Variants in IMPG2 observed in about 807,000 individuals in gnomAD.
IMPG2 encodes the protein interphotoreceptor matrix proteoglycan 2.
Under a neutral mutation model 129.2 loss-of-function variants are expected in IMPG2, and 91 were observed. That is an observed-to-expected ratio of 0.70 (90% CI 0.59 to 0.84). IMPG2 has a LOEUF of 0.84. IMPG2 is among the 40% of genes least tolerant of loss of function. The probability of loss-of-function intolerance (pLI) is 0.00; values close to 1 mark genes in which losing one functional copy is unlikely to be tolerated. For missense variants in IMPG2, 1,430 were observed against 1,461.7 expected, an observed-to-expected ratio of 0.98 and a Z score of 0.35; for synonymous variants, 510 against 517.7, an observed-to-expected ratio of 0.99 and a Z score of 0.20.
chr3:101,250,448 T>C (rs1401917342), intron 11 of IMPG2, among the ~76,000 whole-genome samples: 1 of 152,090 alleles, frequency 6.6e-6, no homozygotes, highest in East Asian at 1.9e-4. Context: ...TATGTGAACA[T>C]AACAAAATTA....
At chr3:101,257,865 A>G in intron 9 of IMPG2, 92 bp from the exon 10 acceptor site, 1 of 1,418,660 alleles carries the variant, frequency 7.0e-7, no homozygotes, top group Non-Finnish European at 9.9e-7. Flanking sequence ...TTGGACCTAG[A>G]GGGGGAGTCT....
At chr3:101,230,490 A>G (rs1378105312) in intron 16 of IMPG2, among the ~76,000 whole-genome samples, 1 of 152,202 alleles carries the variant, frequency 6.6e-6, no homozygotes, top group Non-Finnish European at 1.5e-5. Flanking sequence ...CACCTCTTCT[A>G]TCTCATCTCC....
rs579961 is a variant in IMPG2, at chr3:101,303,536, C to T, written c.501+610G>A. On this transcript the variant is annotated intron_variant, in intron 3 of 18. Coordinates refer to ENST00000193391, the MANE Select transcript of IMPG2 (RefSeq NM_016247.4). Reference sequence around the variant, plus strand: ...AACAGCATGAACAATTTGCCACGTACGTCTGGACAGTTTCACTTTCTTGTC... The same window carrying T: ...AACAGCATGAACAATTTGCCACGTATGTCTGGACAGTTTCACTTTCTTGTC... 8.1e-3 allele frequency among the ~76,000 whole-genome samples: 1,226 copies of T among 152,230 alleles called. 12 individuals are homozygous for T. The highest frequency in any genetic ancestry group is 0.031 in the Middle Eastern group (9 of 294).
At chr3:101,236,056 C>T (rs1559640599) in intron 14 of IMPG2, among the ~76,000 whole-genome samples, 1 of 152,198 alleles carries the variant, frequency 6.6e-6, no homozygotes, top group Non-Finnish European at 1.5e-5. Flanking sequence ...ATTCCATTAG[C>T]AAATGCCTGA....
chr3:101,246,545 A>G (rs1706480662), intron 11 of IMPG2, among the ~76,000 whole-genome samples: 1 of 152,210 alleles, frequency 6.6e-6, no homozygotes, highest in Non-Finnish European at 1.5e-5. Context: ...ATCATTCTGA[A>G]AAGATAATTA....
At chr3:101,238,096 A>G (rs1306837234) in intron 14 of IMPG2, among the ~76,000 whole-genome samples, 1 of 151,988 alleles carries the variant, frequency 6.6e-6, no homozygotes, top group Non-Finnish European at 1.5e-5. Flanking sequence ...CAATAGCTGA[A>G]TCAATCAAGC....
chr3:101,256,145 AAAAGAAAGAAAGAAAG>A (rs57933330), intron 10 of IMPG2, among the ~76,000 whole-genome samples: 1,261 of 77,554 alleles, frequency 0.016, 8 homozygotes, highest in East Asian at 0.024. Context: ...AGAAAGAAAG[AAAAGAAAGAAAGAAAG>A]AAAGAAAGAA....
chr3:101,288,672 T>G (rs1706972372), intron 4 of IMPG2, among the ~76,000 whole-genome samples: 1 of 151,988 alleles, frequency 6.6e-6, no homozygotes, highest in African/African-American at 2.4e-5. Flanking sequence ...GATATAAACA[T>G]AGGAACAATA....
intron 3 of IMPG2, among the ~76,000 whole-genome samples, chr3:101,301,368 G>A (rs1707138076): frequency 6.6e-6 from 1 of 152,188 alleles, no homozygotes; most frequent in African/African-American, 2.4e-5. Flanking sequence ...ACACAGGGTT[G>A]TCATAAACCT....
chr3:101,255,947 C>T (rs1706594162), intron 10 of IMPG2, among the ~76,000 whole-genome samples: 2 of 151,162 alleles, frequency 1.3e-5, no homozygotes, highest in Admixed American at 1.3e-4. Flanking sequence ...TCATATAAAG[C>T]CCAGACCACT....
At chr3:101,276,827 C>T in intron 4 of IMPG2, 114 bp from the exon 5 acceptor site, 1 of 737,948 alleles carries the variant, frequency 1.4e-6, no homozygotes, top group Admixed American at 2.6e-5. Flanking sequence ...GTAAGGGCTC[C>T]CAAGCAAAAG....
chr3:101,252,076 A>C (rs348881), intron 11 of IMPG2, among the ~76,000 whole-genome samples: 99,508 of 151,984 alleles, frequency 0.65, 32,740 homozygotes, highest in Admixed American at 0.7. Context: ...AAAGCACTGC[A>C]ACGTAAATGA....
In IMPG2 at chr3:101,231,142, G is replaced by C; in HGVS notation, c.3237C>G (p.Cys1079Trp). The change falls in exon 16 of 19, where the codon TGC (cysteine) becomes TGG (tryptophan). Residue 1079 changes from cysteine to tryptophan, a missense_variant. Coordinates refer to ENST00000193391, the MANE Select transcript of IMPG2 (RefSeq NM_016247.4). ...IMPGHGAICR[C>W]RVGENWWYRG... ...GGTACCACCAGTTCTCACCCACCCGGCACCTGCAACCAACAGTCACCAAGT... is the reference window on the plus strand; with the variant it reads ...GGTACCACCAGTTCTCACCCACCCGCCACCTGCAACCAACAGTCACCAAGT... The C allele has an allele frequency of 6.2e-7, 1 of 1,613,852 alleles. No individual in the cohort carries two copies. Among genetic ancestry groups the C allele is most frequent in the Non-Finnish European group, 8.5e-7 (1 of 1,179,952 alleles).
intron 17 of IMPG2, 60 bp downstream of exon 17, chr3:101,229,320 G>GGGGC: frequency 2.3e-5 from 12 of 519,294 alleles, no homozygotes; most frequent in Admixed American, 3.4e-5. Flanking sequence ...ACCACCCCCT[G>GGGGC]CTCCCCCACA....
At position 101,244,476 on chromosome 3, in the gene IMPG2, T is replaced by A. The variant is rs1706451615; in HGVS notation, c.1855A>T (p.Thr619Ser). Residue 619 changes from threonine to serine, a missense_variant, in exon 13 of 19, where the codon ACT (threonine) becomes TCT (serine). By Grantham distance (58) the Thr-to-Ser change is moderately conservative. Coordinates refer to ENST00000193391, the MANE Select transcript of IMPG2 (RefSeq NM_016247.4). ...GGTTCAGCGCTCTTCTCTGATGAAG[T>A]CTCACTCCATGGCCAAGTAATCAGA... ...VDLITWPWSE[T>S]SSEKSAEPLS... is the part of the protein sequence containing the mutation. 6.2e-7 allele frequency: 1 copy of A among 1,613,892 alleles called. No individual in the cohort carries two copies. Among genetic ancestry groups the A allele is most frequent in the African/African-American group, 1.3e-5 (1 of 74,934 alleles).
In IMPG2 at chr3:101,226,433, T is replaced by C. The variant is rs1007969186; in HGVS notation, c.*536A>G. ...ATCCTGCAGCAAAAAAGTTTGCTTT[T>C]TCTTTAGCAGTTTGATCAAAAAAAA... On this transcript the variant is annotated 3_prime_UTR_variant, in exon 19 of 19. Transcript: ENST00000193391. 3 of 152,020 alleles carry C rather than the reference T, an allele frequency of 2.0e-5. No homozygotes were observed. The highest frequency in any genetic ancestry group is 4.4e-5 in the Non-Finnish European group (3 of 68,172). The allele number at this position is 152,020 out of a possible 1,614,324, so 9.4% of individuals were successfully genotyped here.
chr3:101,279,375 A>T (rs960844140), intron 4 of IMPG2, among the ~76,000 whole-genome samples: 1 of 152,190 alleles, frequency 6.6e-6, no homozygotes, highest in South Asian at 2.1e-4. Flanking sequence ...GTTATGTAAA[A>T]TAGGCCCACT....
chr3:101,260,620 C>T (rs376576965), intron 9 of IMPG2, among the ~76,000 whole-genome samples: 8 of 152,094 alleles, frequency 5.3e-5, no homozygotes, highest in African/African-American at 1.9e-4. Flanking sequence ...ACATACATTT[C>T]CTTCTCTCTC....
intron 4 of IMPG2, among the ~76,000 whole-genome samples, chr3:101,281,291 T>C (rs909846245): frequency 1.3e-5 from 2 of 152,128 alleles, no homozygotes; most frequent in African/African-American, 4.8e-5. Context: ...GCGGGCTGTT[T>C]TAAAAATAGG....
Sources: allele counts gnomAD v4.1 joint callset (sites outside exome capture counted in the v4.1 genomes callset), GRCh38; gene constraint gnomAD v4.1.1; transcripts MANE v1.5; gene names NCBI Gene and HGNC (gene_info 2026-07-23, HGNC 2026-07-21).